Variants in AFF1 observed in about 807,000 individuals in gnomAD.
AFF1 encodes the protein AF4/FMR2 family member 1.
A neutral mutation model predicts 121.7 loss-of-function variants in AFF1; 48 were observed. The ratio of observed to expected loss-of-function variants is 0.39; its 90% CI spans 0.31 to 0.50. AFF1 has a LOEUF of 0.50. AFF1 is among the 20% of genes least tolerant of loss of function. AFF1 has a pLI of 0.76. For synonymous variants in AFF1, 613 were observed against 563.0 expected (o/e 1.09, Z -1.26); for missense variants, 1,523 against 1,511.7 (o/e 1.01, Z -0.12).
intron 2 of AFF1, among the ~76,000 whole-genome samples, chr4:86,985,157 AT>A (rs1724107347): frequency 3.8e-5 from 1 of 26,398 alleles, no homozygotes; most frequent in African/African-American, 5.2e-5. Flanking sequence ...ATATATAAAA[AT>A]ATAATATATA....
intron 2 of AFF1, chr4:87,007,302 C>A: frequency 1.9e-6 from 3 of 1,578,390 alleles, no homozygotes; most frequent in Non-Finnish European, 2.6e-6. Flanking sequence ...CGCGCCGGGA[C>A]GCGTCCCCGC....
chr4:87,024,507 A>C (rs1728332643), intron 2 of AFF1, among the ~76,000 whole-genome samples: 1 of 152,114 alleles, frequency 6.6e-6, no homozygotes, highest in African/African-American at 2.4e-5. Flanking sequence ...GGGGAACTCC[A>C]GCAATATTTG....
Position 87,139,344 on chromosome 4 carries a change from TTTTTG to T in AFF1, c.*3668_*3672del, listed in dbSNP as rs919201887. 98 of 233,220 alleles carry T rather than the reference TTTTTG, an allele frequency of 4.2e-4. No homozygotes were observed. Among genetic ancestry groups the T allele is most frequent in the African/African-American group, 6.8e-4 (31 of 45,444 alleles). 14.4% of individuals were successfully genotyped at this position (233,220 alleles called of 1,614,324 possible). ...AGGCTGGGCTTTCGGGTTTTTTTGT[TTTTTG>T]TTTTGTTTTGTTTTGTTTTGTTTTC... On this transcript the variant is annotated 3_prime_UTR_variant, in exon 21 of 21. Coordinates refer to ENST00000395146, the MANE Select transcript of AFF1 (RefSeq NM_001166693.3).
intron 2 of AFF1, among the ~76,000 whole-genome samples, chr4:87,012,241 A>ATATTTTGTATTTGTATATGTAAAATAT (rs1726850789): frequency 2.6e-5 from 2 of 76,486 alleles, no homozygotes; most frequent in Non-Finnish European, 2.7e-5. Flanking sequence ...TTTTTGTATA[A>ATATTTTGTATTTGTATATGTAAAATAT]CTATACATAT....
chr4:87,066,421 A>G (rs1019112394), intron 4 of AFF1, among the ~76,000 whole-genome samples: 1 of 152,174 alleles, frequency 6.6e-6, no homozygotes, highest in Middle Eastern at 3.4e-3. Flanking sequence ...CCCCATCCCT[A>G]TAAATATTTA....
Position 87,047,178 on chromosome 4 carries a change from G to A in AFF1, c.643G>A (p.Val215Ile), listed in dbSNP as rs377109403. 1 of 1,614,138 alleles carries A rather than the reference G, an allele frequency of 6.2e-7. No individual in the cohort carries two copies. The highest frequency in any genetic ancestry group is 8.5e-7 in the Non-Finnish European group (1 of 1,180,034). Residue 215 changes from valine (V) to isoleucine (I), a missense_variant, in exon 4 of 21, where the codon GTT becomes ATT. By Grantham distance (29) the Val-to-Ile change is conservative. Coordinates refer to ENST00000395146, the MANE Select transcript of AFF1 (RefSeq NM_001166693.3). The stretch of plus-strand genomic sequence containing the variant: ...TCCCTTAATCTCTTTGCCTTCCCCA[G>A]TTCCCCCTTTGTCACCTATACATTC... ...LSPLISLPSP[V>I]PPLSPIHSNQ...
chr4:87,107,474 T>TA lies in AFF1; in HGVS notation c.1377-684dup, dbSNP rs1726027642. Among the ~76,000 whole-genome samples, 2 of 152,198 alleles carry TA rather than the reference T, an allele frequency of 1.3e-5. 1 individual carries two copies. The highest frequency in any genetic ancestry group is 4.1e-4 in the South Asian group (2 of 4,834). ...ATTTGGGGATGATCCCTAAGCCACT[T>TA]ACGAAGAATGGTCCGTTTTGTAGTT... On this transcript the variant is annotated intron_variant, in intron 10 of 20. Transcript: ENST00000395146.
intron 4 of AFF1, among the ~76,000 whole-genome samples, chr4:87,066,618 G>A (rs1369578885): frequency 1.3e-5 from 2 of 152,040 alleles, no homozygotes; most frequent in Non-Finnish European, 2.9e-5. Context: ...AAACAGGTAG[G>A]GAGAGACAAG....
At chr4:87,076,939 G>T (rs755810675) in intron 4 of AFF1, among the ~76,000 whole-genome samples, 1 of 152,178 alleles carries the variant, frequency 6.6e-6, no homozygotes, top group African/African-American at 2.4e-5. Context: ...GACAAACCTT[G>T]TTCAGCCAGG....
At chr4:87,022,662 G>GGC (rs11371573) in intron 2 of AFF1, among the ~76,000 whole-genome samples, 1 of 74,106 alleles carries the variant, frequency 1.3e-5, no homozygotes, top group East Asian at 4.0e-4. Context: ...GTATATATAT[G>GGC]TGTGTGTATA....
At chr4:86,965,820 C>T (rs902883865) in intron 2 of AFF1, among the ~76,000 whole-genome samples, 1 of 152,192 alleles carries the variant, frequency 6.6e-6, no homozygotes, top group Non-Finnish European at 1.5e-5. Flanking sequence ...CCCTCACACC[C>T]ACTCACATGA....
At chr4:87,118,053 C>G (rs1727300249) in intron 12 of AFF1, among the ~76,000 whole-genome samples, 1 of 152,226 alleles carries the variant, frequency 6.6e-6, no homozygotes, top group African/African-American at 2.4e-5. Flanking sequence ...TTAGAAAAAA[C>G]TCTGAGCATA....
chr4:87,066,535 T>C (rs1721365182), intron 4 of AFF1, among the ~76,000 whole-genome samples: 1 of 152,148 alleles, frequency 6.6e-6, no homozygotes, highest in African/African-American at 2.4e-5. Flanking sequence ...TACAGTGAGC[T>C]ATATGATTGC....
At chr4:86,970,252 C>A (rs1246634926) in intron 2 of AFF1, among the ~76,000 whole-genome samples, 2 of 152,012 alleles carry the variant, frequency 1.3e-5, no homozygotes, top group Non-Finnish European at 2.9e-5. Context: ...CTTTGGGAAG[C>A]CAAGGCAGCA....
At chr4:86,951,147 A>G (rs1010352446) in intron 2 of AFF1, among the ~76,000 whole-genome samples, 49 of 152,290 alleles carry the variant, frequency 3.2e-4, no homozygotes, top group African/African-American at 8.9e-4. Context: ...CTGGGCTTGC[A>G]TTGTCATATA....
At chr4:87,091,748 A>G (rs779088806) in intron 6 of AFF1, 45 bp from the exon 7 acceptor site, 11 of 1,271,554 alleles carry the variant, frequency 8.7e-6, no homozygotes, top group Non-Finnish European at 1.1e-5. Context: ...TTAACTTTAT[A>G]AGCCTTAATC....
intron 13 of AFF1, among the ~76,000 whole-genome samples, chr4:87,125,674 C>T (rs1242184192): frequency 6.6e-6 from 1 of 152,170 alleles, no homozygotes; most frequent in African/African-American, 2.4e-5. Context: ...CTATTATTTA[C>T]TGTGATTTAC....
At chr4:87,003,799 G>C (rs569196736) in intron 2 of AFF1, among the ~76,000 whole-genome samples, 268 of 152,274 alleles carry the variant, frequency 1.8e-3, no homozygotes, top group Non-Finnish European at 2.6e-3. Context: ...ATTATTGAGA[G>C]TAGACTTTTG....
chr4:86,939,959 T>G (rs529058639), intron 1 of AFF1, among the ~76,000 whole-genome samples: 51 of 152,358 alleles, frequency 3.3e-4, no homozygotes, highest in Non-Finnish European at 5.7e-4. Flanking sequence ...TCAGACAGCT[T>G]GGGTTTGAAT....
Sources: gnomAD v4.1 joint callset for allele counts (sites outside exome capture counted in the v4.1 genomes callset) on GRCh38, gnomAD v4.1.1 for gene constraint, MANE v1.5 for transcripts, NCBI Gene and HGNC (gene_info 2026-07-23, HGNC 2026-07-21) for gene names.